LRP1B: variants seen among roughly 807,000 people sequenced by gnomAD.
LRP1B encodes the protein LDL receptor related protein 1B, also known as low-density lipoprotein receptor-related protein 1B.
LRP1B carries 217 observed loss-of-function variants against 556.6 expected under a neutral mutation model. The observed-to-expected ratio is 0.39, with a 90% CI of 0.35 to 0.44. LRP1B has a LOEUF of 0.44. Among genes scored for constraint, LRP1B ranks in the 20% least tolerant of loss-of-function variants. The pLI is 1.00. For synonymous variants in LRP1B, 2,047 were observed against 1,865.8 expected, an observed-to-expected ratio of 1.10 and a Z score of -2.50; for missense variants, 5,053 against 5,620.8, an observed-to-expected ratio of 0.90 and a Z score of 3.23.
chr2:140,324,479 G>C (rs1052064174), intron 80 of LRP1B, among the ~76,000 whole-genome samples: 4 of 151,872 alleles, frequency 2.6e-5, no homozygotes, highest in Non-Finnish European at 5.9e-5. Context: ...CCAAATGACT[G>C]GTTTATTAAG....
At chr2:141,535,916 T>C (rs902265936) in intron 2 of LRP1B, among the ~76,000 whole-genome samples, 4 of 152,144 alleles carry the variant, frequency 2.6e-5, no homozygotes, top group Non-Finnish European at 5.9e-5. Context: ...TTATTTACTT[T>C]ATCAACATTG....
intron 2 of LRP1B, among the ~76,000 whole-genome samples, chr2:141,798,156 TG>T (rs1170942937): frequency 3.3e-5 from 5 of 152,290 alleles, no homozygotes; most frequent in African/African-American, 1.2e-4. Context: ...TAAAATGGTT[TG>T]GCAAAAAACA....
chr2:140,613,911 G>T (rs1394196398), intron 41 of LRP1B, among the ~76,000 whole-genome samples: 1 of 152,030 alleles, frequency 6.6e-6, no homozygotes, highest in Non-Finnish European at 1.5e-5. Flanking sequence ...AGATGTGTAT[G>T]TATCTCCTAC....
At chr2:140,477,094 G>T (rs947092552) in intron 59 of LRP1B, among the ~76,000 whole-genome samples, 1 of 152,016 alleles carries the variant, frequency 6.6e-6, no homozygotes, top group African/African-American at 2.4e-5. Flanking sequence ...TTATGGAGAA[G>T]TACCTTGTTG....
intron 3 of LRP1B, among the ~76,000 whole-genome samples, chr2:141,309,304 C>G (rs1248052094): frequency 6.6e-6 from 1 of 152,184 alleles, no homozygotes; most frequent in Non-Finnish European, 1.5e-5. Flanking sequence ...TTTAAAAATT[C>G]TACAAAAGAA....
chr2:141,026,653 A>G (rs1677858277), intron 11 of LRP1B, among the ~76,000 whole-genome samples: 1 of 152,082 alleles, frequency 6.6e-6, no homozygotes, highest in African/African-American at 2.4e-5. Context: ...GACTCTAGGT[A>G]AATGTGGTAA....
intron 77 of LRP1B, 24 bp from the exon 78 acceptor site, chr2:140,335,862 C>A (rs1681064144): frequency 1.4e-6 from 2 of 1,427,950 alleles, no homozygotes; most frequent in Non-Finnish European, 2.0e-6. Flanking sequence ...AAACAACACA[C>A]CACGGTATTT....
At chr2:140,776,280 TC>T in intron 32 of LRP1B, 42 bp from the exon 33 acceptor site, 1 of 1,273,704 alleles carries the variant, frequency 7.9e-7, no homozygotes, top group Non-Finnish European at 1.1e-6. Flanking sequence ...AGTATAATTA[TC>T]TTATTAAATA....
At chr2:140,533,957 G>A (rs1463955074) in intron 47 of LRP1B, 64 bp downstream of exon 47, 13 of 1,580,752 alleles carry the variant, frequency 8.2e-6, no homozygotes, top group Non-Finnish European at 1.1e-5. Context: ...AGAAACGAAT[G>A]TTGGAAAAGT....
chr2:141,886,232 T>A (rs2104903643), intron 1 of LRP1B, among the ~76,000 whole-genome samples: 1 of 152,296 alleles, frequency 6.6e-6, no homozygotes, highest in Admixed American at 6.5e-5. Flanking sequence ...TGGGTAGGAC[T>A]ACGACTTTAT....
At chr2:141,494,233 T>A (rs989161772) in intron 2 of LRP1B, among the ~76,000 whole-genome samples, 6 of 152,284 alleles carry the variant, frequency 3.9e-5, no homozygotes, top group African/African-American at 1.4e-4. Context: ...TCTTTCCATT[T>A]TTCAGCCTCA....
chr2:141,478,550 CTCTTTCTT>C (rs1188050894), intron 3 of LRP1B, among the ~76,000 whole-genome samples: 1 of 134,302 alleles, frequency 7.4e-6, no homozygotes, highest in East Asian at 2.3e-4. Flanking sequence ...CTCTCATTCT[CTCTTTCTT>C]TCTTTGATGA....
intron 3 of LRP1B, among the ~76,000 whole-genome samples, chr2:141,303,797 T>C (rs1272058834): frequency 6.6e-6 from 1 of 152,176 alleles, no homozygotes; most frequent in Non-Finnish European, 1.5e-5. Flanking sequence ...GATTGCTGAA[T>C]TGTATGGTAG....
intron 41 of LRP1B, among the ~76,000 whole-genome samples, chr2:140,672,530 GA>G (rs1685525543): frequency 7.3e-6 from 1 of 136,438 alleles, no homozygotes; most frequent in Non-Finnish European, 1.6e-5. Context: ...AAGCAATTTT[GA>G]AATCCAGCAG....
intron 1 of LRP1B, among the ~76,000 whole-genome samples, chr2:142,084,600 AT>A (rs1308001747): frequency 1.1e-4 from 16 of 152,104 alleles, no homozygotes; most frequent in Non-Finnish European, 1.5e-5. Context: ...AGTCCTATTA[AT>A]TTTACATCTG....
At chr2:141,011,821 C>T (rs1371581631) in intron 14 of LRP1B, among the ~76,000 whole-genome samples, 1 of 151,008 alleles carries the variant, frequency 6.6e-6, no homozygotes, top group African/African-American at 2.5e-5. Flanking sequence ...CCTTTCAGAA[C>T]ACCAAAAATA....
intron 82 of LRP1B, among the ~76,000 whole-genome samples, chr2:140,317,598 A>C (rs1005425937): frequency 6.6e-6 from 1 of 152,144 alleles, no homozygotes; most frequent in Non-Finnish European, 1.5e-5. Flanking sequence ...CTCTCAAGAA[A>C]TACGCAGAGT....
intron 2 of LRP1B, among the ~76,000 whole-genome samples, chr2:141,688,705 C>T (rs1389238698): frequency 1.3e-5 from 2 of 151,776 alleles, no homozygotes; most frequent in East Asian, 1.9e-4. Context: ...TTGTCCACTT[C>T]GATATACTGC....
chr2:141,607,533 CT>C (rs1266458300), intron 2 of LRP1B, among the ~76,000 whole-genome samples: 2 of 152,176 alleles, frequency 1.3e-5, no homozygotes, highest in Non-Finnish European at 2.9e-5. Flanking sequence ...TGTAAGTTGG[CT>C]CTCCCTTCCC....
Sources: allele counts gnomAD v4.1 joint callset (sites outside exome capture counted in the v4.1 genomes callset), GRCh38; gene constraint gnomAD v4.1.1; transcripts MANE v1.5; gene names NCBI Gene and HGNC (gene_info 2026-07-23, HGNC 2026-07-21).